The following STK24 variants were observed in gnomAD, a reference collection of about 807,000 sequenced individuals.
STK24 encodes the protein serine/threonine kinase 24.
STK24 carries 21 observed loss-of-function variants against 55.6 expected under a neutral mutation model. That is an observed-to-expected ratio of 0.38 (90% CI 0.27 to 0.54). The LOEUF (loss-of-function observed/expected upper bound fraction) is 0.54. Among genes scored for constraint, STK24 ranks in the 20% least tolerant of loss-of-function variants. The pLI, the probability that STK24 is intolerant of heterozygous loss-of-function variation, is 0.79. For synonymous variants in STK24, 200 were observed against 215.2 expected, an observed-to-expected ratio of 0.93 and a Z score of 0.62; for missense variants, 383 against 538.4, an observed-to-expected ratio of 0.71 and a Z score of 2.86.
At chr13:98,476,310 G>C (rs1894374622) in intron 3 of STK24, among the ~76,000 whole-genome samples, 1 of 144,782 alleles carries the variant, frequency 6.9e-6, no homozygotes, top group Non-Finnish European at 1.5e-5. Flanking sequence ...CAGCAGCAAA[G>C]CCACCAGTGC....
chr13:98,548,998 G>C (rs1193959125), intron 1 of STK24, among the ~76,000 whole-genome samples: 1 of 152,150 alleles, frequency 6.6e-6, no homozygotes, highest in African/African-American at 2.4e-5. Context: ...CCCCGGGGTA[G>C]GACAATGGTC....
chr13:98,446,638 G>T lies in STK24; in HGVS notation c.*6535C>A, dbSNP rs1325083147. Reference sequence around the variant, plus strand: ...CAGCAGCAGAAGCTGACCCCGAAAAGCCACTTTGCTTTGTTTCCCCTTTCC... The same window carrying T: ...CAGCAGCAGAAGCTGACCCCGAAAATCCACTTTGCTTTGTTTCCCCTTTCC... On this transcript the variant is annotated 3_prime_UTR_variant, in exon 11 of 11. Coordinates refer to ENST00000539966, the MANE Select transcript of STK24 (RefSeq NM_001032296.4). The T allele has an allele frequency of 1.2e-6, 2 of 1,611,752 alleles. No homozygotes were observed.
intron 2 of STK24, among the ~76,000 whole-genome samples, chr13:98,490,483 A>G (rs1894979380): frequency 6.6e-6 from 1 of 152,180 alleles, no homozygotes; most frequent in South Asian, 2.1e-4. Context: ...CACTCTTCCC[A>G]TGTACTACCC....
intron 1 of STK24, among the ~76,000 whole-genome samples, chr13:98,570,957 A>G (rs555332694): frequency 6.6e-6 from 1 of 152,284 alleles, no homozygotes; most frequent in East Asian, 1.9e-4. Flanking sequence ...ACCACCCACA[A>G]GATTCCATTA....
chr13:98,462,452 A>G (rs1339120520), intron 7 of STK24, among the ~76,000 whole-genome samples: 3 of 151,944 alleles, frequency 2.0e-5, no homozygotes, highest in Admixed American at 1.3e-4. Context: ...CCTGTCCTGT[A>G]TGGGCCTCAG....
intron 2 of STK24, among the ~76,000 whole-genome samples, chr13:98,486,652 G>T (rs1363572572): frequency 6.6e-6 from 1 of 152,194 alleles, no homozygotes; most frequent in African/African-American, 2.4e-5. Flanking sequence ...TCTGATAACT[G>T]AAAATGTCTC....
rs17855964 is a variant in STK24 at position 98,457,243 on chromosome 13, G to C, written c.1184C>G (p.Ala395Gly). Residue 395 changes from alanine (A) to glycine (G), a missense_variant, in exon 10 of 11, where the codon GCC (alanine) becomes GGC (glycine). By Grantham distance (60) the Ala-to-Gly change is moderately conservative. Transcript: ENST00000539966. ...NLGSIEELRG[A>G]IYLAEEACPG... ...GCACGCCTCCTCCGCTAGGTAGATGGCCCCTCGCAGCTCTTCAATGGACCC... is the reference window on the plus strand; with the variant it reads ...GCACGCCTCCTCCGCTAGGTAGATGCCCCCTCGCAGCTCTTCAATGGACCC... 1 of 1,613,606 alleles carries C rather than the reference G, an allele frequency of 6.2e-7. No individual in the cohort carries two copies. Among genetic ancestry groups the C allele is most frequent in the Non-Finnish European group, 8.5e-7 (1 of 1,180,040 alleles).
chr13:98,539,182 G>A (rs776694760), intron 1 of STK24, among the ~76,000 whole-genome samples: 11 of 152,248 alleles, frequency 7.2e-5, no homozygotes, highest in Middle Eastern at 3.4e-3. Flanking sequence ...CTCTTCCATG[G>A]GTGGGTTCAG....
At chr13:98,456,913 C>A (rs2139242349) in intron 10 of STK24, 1 of 561,164 alleles carries the variant, frequency 1.8e-6, no homozygotes, top group Non-Finnish European at 3.1e-6. Context: ...CACCACCACC[C>A]TGTATTTATG....
intron 2 of STK24, among the ~76,000 whole-genome samples, chr13:98,487,181 G>A (rs920740092): frequency 2.6e-5 from 4 of 152,112 alleles, no homozygotes; most frequent in East Asian, 1.9e-4. Flanking sequence ...CTGTTCTCCG[G>A]GAAGGACCCA....
At position 98,463,923 on chromosome 13, in the gene STK24, C is replaced by T. The variant is rs16951582; in HGVS notation, c.784-87G>A. 3,763 of 1,457,686 alleles carry T rather than the reference C, an allele frequency of 2.6e-3. 55 individuals are homozygous for T. In the African/African-American group the frequency reaches 0.037, roughly 14 times the overall value. The allele number at this position is 1,457,686 out of a possible 1,614,324, so 90.3% of individuals were successfully genotyped here. On this transcript the variant is annotated intron_variant, in intron 6 of 10. Coordinates refer to ENST00000539966, the MANE Select transcript of STK24 (RefSeq NM_001032296.4). ...CAGACTTCTGCCTCAAAATGTCAAC[C>T]GCCACACTGACACCTGATGGCTGGA...
intron 1 of STK24, among the ~76,000 whole-genome samples, chr13:98,540,910 A>G (rs562368546): frequency 4.6e-5 from 7 of 152,274 alleles, no homozygotes; most frequent in Admixed American, 2.0e-4. Context: ...TTAAGATTAA[A>G]TAAGTTTTAC....
intron 1 of STK24, 99 bp downstream of exon 1, chr13:98,576,646 C>A: frequency 9.0e-7 from 1 of 1,110,798 alleles, no homozygotes; most frequent in Non-Finnish European, 1.2e-6. Flanking sequence ...CCGGCGCGAC[C>A]CCGGCCGGCT....
At chr13:98,523,884 C>A (rs1896344066) in intron 1 of STK24, among the ~76,000 whole-genome samples, 2 of 152,176 alleles carry the variant, frequency 1.3e-5, no homozygotes, top group African/African-American at 4.8e-5. Context: ...CCCCGACGGC[C>A]CATGCTTGAC....
Position 98,538,448 on chromosome 13 carries a change from CTCCTG to C in STK24, c.43-18980_43-18976del, listed in dbSNP as rs1369176600. 5.2e-4 allele frequency among the ~76,000 whole-genome samples: 79 copies of C among 152,278 alleles called. 1 individual carries two copies. The highest frequency in any genetic ancestry group is 1.8e-3 in the African/African-American group (76 of 41,554). On this transcript the variant is annotated intron_variant, in intron 1 of 10. Transcript: ENST00000539966. ...CCATGTTGGTCAAGCCGGTCTCAAACTCCTGACCTCAGGTGATCCTCCCGCCTTGG... is the reference window on the plus strand; with the variant it reads ...CCATGTTGGTCAAGCCGGTCTCAAACACCTCAGGTGATCCTCCCGCCTTGG...
chr13:98,502,535 G>A (rs1895514670), intron 2 of STK24, among the ~76,000 whole-genome samples: 1 of 152,152 alleles, frequency 6.6e-6, no homozygotes, highest in African/African-American at 2.4e-5. Flanking sequence ...AGAGGTACTT[G>A]GGTCATAAGG....
intron 2 of STK24, among the ~76,000 whole-genome samples, chr13:98,503,325 T>C (rs553705986): frequency 6.6e-6 from 1 of 152,246 alleles, no homozygotes; most frequent in South Asian, 2.1e-4. Flanking sequence ...CCAGTTTTAA[T>C]TTCCCAAATA....
At chr13:98,563,648 G>A (rs1300503050) in intron 1 of STK24, among the ~76,000 whole-genome samples, 1 of 152,044 alleles carries the variant, frequency 6.6e-6, no homozygotes, top group African/African-American at 2.4e-5. Flanking sequence ...CACGAGGTCA[G>A]GAGATCGAGA....
chr13:98,562,667 G>A (rs1449027252), intron 1 of STK24, among the ~76,000 whole-genome samples: 1 of 152,154 alleles, frequency 6.6e-6, no homozygotes, highest in East Asian at 1.9e-4. Flanking sequence ...TGTAGTCCCA[G>A]CACTTTGGGA....
Sources: gnomAD v4.1 joint callset for allele counts (sites outside exome capture counted in the v4.1 genomes callset) on GRCh38, gnomAD v4.1.1 for gene constraint, MANE v1.5 for transcripts, NCBI Gene and HGNC (gene_info 2026-07-23, HGNC 2026-07-21) for gene names.